Variants in CACNA2D3 observed in about 807,000 individuals in gnomAD.
CACNA2D3 encodes voltage-dependent calcium channel subunit alpha-2/delta-3.
CACNA2D3 carries 60 observed loss-of-function variants against 160.6 expected under a neutral mutation model. That is an observed-to-expected ratio of 0.37 (90% CI 0.30 to 0.46). CACNA2D3 has a LOEUF of 0.46. Ranked by LOEUF, CACNA2D3 falls within the 20% of genes least tolerant of loss-of-function variation. The pLI, the probability that CACNA2D3 is intolerant of heterozygous loss-of-function variation, is 1.00. For missense variants in CACNA2D3, 1,205 were observed against 1,365.0 expected, an observed-to-expected ratio of 0.88 and a Z score of 1.85; for synonymous variants, 558 against 492.9, an observed-to-expected ratio of 1.13 and a Z score of -1.75.
chr3:54,157,691 T>C (rs1220934700), intron 2 of CACNA2D3, among the ~76,000 whole-genome samples: 1 of 151,978 alleles, frequency 6.6e-6, no homozygotes, highest in Non-Finnish European at 1.5e-5. Context: ...CTTGGGAGGC[T>C]GAGGCAGGAG....
intron 14 of CACNA2D3, 64 bp from the exon 15 acceptor site, chr3:54,837,095 G>A: frequency 1.5e-6 from 2 of 1,368,420 alleles, no homozygotes; most frequent in South Asian, 2.3e-5. Context: ...TTGTCAAGGG[G>A]GTGGCCTCCA....
Position 54,881,200 on chromosome 3 carries a change from A to G in CACNA2D3, c.1912+337A>G, listed in dbSNP as rs189115641. On this transcript the variant is annotated intron_variant, in intron 21 of 37. Transcript: ENST00000474759. ...TAAATAGGAATCATCCCTCAAGTAT[A>G]TTCTTCTCATACATAAAAATCAGTA... 2.0e-5 allele frequency among the ~76,000 whole-genome samples: 3 copies of G among 152,286 alleles called. No individual in the cohort carries two copies. The East Asian group carries it at 5.8e-4, about 29-fold the overall frequency.
intron 2 of CACNA2D3, among the ~76,000 whole-genome samples, chr3:54,224,688 AT>A (rs749185933): frequency 2.0e-5 from 3 of 152,190 alleles, no homozygotes; most frequent in Non-Finnish European, 4.4e-5. Context: ...TCGTGTTGTC[AT>A]GTATGTCAGG....
At chr3:54,640,393 T>C (rs1160633724) in intron 10 of CACNA2D3, among the ~76,000 whole-genome samples, 1 of 152,248 alleles carries the variant, frequency 6.6e-6, no homozygotes, top group Non-Finnish European at 1.5e-5. Flanking sequence ...CATTGACATG[T>C]AATTGTAGGG....
At chr3:54,286,964 TG>T (rs1281776420) in intron 2 of CACNA2D3, among the ~76,000 whole-genome samples, 1 of 152,160 alleles carries the variant, frequency 6.6e-6, no homozygotes, top group African/African-American at 2.4e-5. Flanking sequence ...TACCAGCCAC[TG>T]CAAAAACATG....
At position 54,274,215 on chromosome 3, in the gene CACNA2D3, C is replaced by CAT. The variant is rs148715563; in HGVS notation, c.205-46213_205-46212dup. Among the ~76,000 whole-genome samples the CAT allele has an allele frequency of 7.3e-3, 1,095 of 149,944 alleles. 11 individuals are homozygous for CAT. The highest frequency in any genetic ancestry group is 0.022 in the African/African-American group (893 of 41,008). ...CTACATTTGTAGAATGATTTCTATG[C>CAT]ATATATATATATATAAGAAATACGG... On this transcript the variant is annotated intron_variant, in intron 2 of 37. Coordinates refer to ENST00000474759, the MANE Select transcript of CACNA2D3 (RefSeq NM_018398.3).
rs559320927 is a variant in CACNA2D3 at position 54,806,330 on chromosome 3, A to C, written c.1381-10523A>C. ...CATTGTCTCAGCCCAAAATCTCCTT[A>C]AGCTGATAAGCAACTTCAGCAAAGT... On this transcript the variant is annotated intron_variant, in intron 13 of 37. Coordinates refer to ENST00000474759, the MANE Select transcript of CACNA2D3 (RefSeq NM_018398.3). Among the ~76,000 whole-genome samples, 187 of 152,282 alleles carry C rather than the reference A, an allele frequency of 1.2e-3. 1 individual carries two copies. In the Middle Eastern group the frequency reaches 0.014, roughly 11 times the overall value.
At chr3:54,186,742 T>A (rs916054315) in intron 2 of CACNA2D3, among the ~76,000 whole-genome samples, 1 of 151,624 alleles carries the variant, frequency 6.6e-6, no homozygotes, top group South Asian at 2.1e-4. Flanking sequence ...AAAAAAAAAA[T>A]TAACTGAGTT....
At chr3:54,183,027 T>A (rs1700809652) in intron 2 of CACNA2D3, among the ~76,000 whole-genome samples, 2 of 152,154 alleles carry the variant, frequency 1.3e-5, no homozygotes, top group Non-Finnish European at 2.9e-5. Context: ...CTGTGGGAAA[T>A]AATCAGAGAC....
At chr3:54,821,684 CTTT>C (rs1559594930) in intron 14 of CACNA2D3, among the ~76,000 whole-genome samples, 1,712 of 131,214 alleles carry the variant, frequency 0.013, 48 homozygotes, top group African/African-American at 0.04. Context: ...TTCTTTCTTT[CTTT>C]CTTTCTTTCT....
At chr3:54,141,008 T>A (rs956511288) in intron 2 of CACNA2D3, among the ~76,000 whole-genome samples, 3 of 151,840 alleles carry the variant, frequency 2.0e-5, no homozygotes, top group Admixed American at 2.0e-4. Context: ...GGCACCTCTC[T>A]GTGGTGTTGT....
intron 27 of CACNA2D3, among the ~76,000 whole-genome samples, chr3:54,906,579 C>T (rs1226674945): frequency 6.6e-6 from 1 of 152,182 alleles, no homozygotes; most frequent in African/African-American, 2.4e-5. Context: ...CCATATTCCA[C>T]GTGGGTGCTG....
intron 2 of CACNA2D3, among the ~76,000 whole-genome samples, chr3:54,285,246 C>T (rs1453877881): frequency 1.3e-5 from 2 of 152,184 alleles, no homozygotes; most frequent in African/African-American, 4.8e-5. Context: ...CTGTGCTTTT[C>T]CAACGGGCTT....
rs527300487 is a variant in CACNA2D3 at position 54,698,582 on chromosome 3, C to T, written c.1168-54017C>T. Among the ~76,000 whole-genome samples, 196 of 152,190 alleles carry T rather than the reference C, an allele frequency of 1.3e-3. 1 individual carries two copies. Among genetic ancestry groups the T allele is most frequent in the African/African-American group, 4.4e-3 (183 of 41,520 alleles). On this transcript the variant is annotated intron_variant, in intron 11 of 37. Coordinates refer to ENST00000474759, the MANE Select transcript of CACNA2D3 (RefSeq NM_018398.3). ...CTAAACACCACAAATACTTGACATT[C>T]GGAAGGGCAAGCGAGGGATTAAAAC...
At chr3:54,787,212 T>G (rs72874258) in intron 13 of CACNA2D3, among the ~76,000 whole-genome samples, 9,918 of 152,276 alleles carry the variant, frequency 0.065, 1,014 homozygotes, top group African/African-American at 0.22. Context: ...GTATTAGTTA[T>G]AGGTAAGAAG....
chr3:55,032,621 T>A (rs1030482158), intron 35 of CACNA2D3, among the ~76,000 whole-genome samples: 2 of 152,160 alleles, frequency 1.3e-5, no homozygotes, highest in South Asian at 4.1e-4. Flanking sequence ...CAGTTCCTAA[T>A]TGGGCAACCT....
chr3:54,838,841 G>C (rs1245985033), intron 16 of CACNA2D3, among the ~76,000 whole-genome samples, 193 bp downstream of exon 16: 1 of 152,046 alleles, frequency 6.6e-6, no homozygotes, highest in South Asian at 2.1e-4. Flanking sequence ...ATGACTTGCT[G>C]TTTTTCTTAT....
rs1325820180 is a variant in CACNA2D3 at position 54,763,810 on chromosome 3, TACATATATATATAC to T, written c.1247-407_1247-394del. Among the ~76,000 whole-genome samples the T allele has an allele frequency of 7.9e-4, 12 of 15,106 alleles. 4 individuals carry two copies. The highest frequency in any genetic ancestry group is 1.7e-3 in the African/African-American group (6 of 3,480). The allele number at this position is 15,106 out of a possible 152,430, so 9.9% of individuals were successfully genotyped here. On this transcript the variant is annotated intron_variant, in intron 12 of 37. Coordinates refer to ENST00000474759, the MANE Select transcript of CACNA2D3 (RefSeq NM_018398.3). Reference sequence around the variant, plus strand: ...ATATGTATATATATGTACATATATATACATATATATATACGTATATATATGTATATATATGTACA... The same window carrying T: ...ATATGTATATATATGTACATATATATGTATATATATGTATATATATGTACA...
intron 4 of CACNA2D3, among the ~76,000 whole-genome samples, chr3:54,442,956 C>T (rs1424434820): frequency 6.6e-6 from 1 of 152,108 alleles, no homozygotes; most frequent in Non-Finnish European, 1.5e-5. Flanking sequence ...CATATAGTAG[C>T]CTCTTGGGAA....
Sources: allele counts gnomAD v4.1 joint callset (sites outside exome capture counted in the v4.1 genomes callset), GRCh38; gene constraint gnomAD v4.1.1; transcripts MANE v1.5; gene names NCBI Gene and HGNC (gene_info 2026-07-23, HGNC 2026-07-21).